Variants in BACH1 observed in about 807,000 individuals in gnomAD.
The protein encoded by BACH1 is transcription regulator protein BACH1.
Under a neutral mutation model 52.9 loss-of-function variants are expected in BACH1, and 35 were observed. The ratio of observed to expected loss-of-function variants is 0.66; its 90% CI spans 0.51 to 0.88. BACH1 has a LOEUF of 0.88. Among genes scored for constraint, BACH1 ranks in the 40% least tolerant of loss-of-function variants. The pLI, the probability that BACH1 is intolerant of heterozygous loss-of-function variation, is 0.00. For missense variants in BACH1, 808 were observed against 872.6 expected, an observed-to-expected ratio of 0.93 and a Z score of 0.93; for synonymous variants, 321 against 319.6, an observed-to-expected ratio of 1.00 and a Z score of -0.05.
chr21:29,346,214 C>G (rs142855275), downstream of BACH1: 1 of 151,602 alleles, frequency 6.6e-6, no homozygotes, highest in Non-Finnish European at 1.5e-5. Flanking sequence ...GTCTTTTGAT[C>G]GGTAATTAGT....
intron 4 of BACH1, among the ~76,000 whole-genome samples, chr21:29,342,128 C>T (rs2089120853): frequency 1.3e-5 from 2 of 152,184 alleles, no homozygotes; most frequent in Non-Finnish European, 2.9e-5. Context: ...TAGGGAAGTG[C>T]TGCCCCAGGC....
chr21:29,311,114 AC>A (rs2088716141), intron 1 of BACH1, among the ~76,000 whole-genome samples: 1 of 152,190 alleles, frequency 6.6e-6, no homozygotes, highest in Admixed American at 6.5e-5. Flanking sequence ...TCTGGAGGAT[AC>A]CCTTAAAATT....
At chr21:29,327,904 A>G (rs2088933879) in intron 3 of BACH1, among the ~76,000 whole-genome samples, 1 of 152,230 alleles carries the variant, frequency 6.6e-6, no homozygotes, top group African/African-American at 2.4e-5. Context: ...TTTCCAGTAG[A>G]TATATTAACC....
At chr21:29,303,662 T>C (rs181877854) in intron 1 of BACH1, among the ~76,000 whole-genome samples, 9 of 152,334 alleles carry the variant, frequency 5.9e-5, no homozygotes, top group African/African-American at 2.2e-4. Context: ...AAACTTGTCT[T>C]GTGACTTATT....
At chr21:29,321,183 G>T in intron 1 of BACH1, 38 bp from the exon 2 acceptor site, 2 of 1,032,882 alleles carry the variant, frequency 1.9e-6, no homozygotes, top group Admixed American at 1.9e-5. Context: ...TTTTTAACAA[G>T]ATGTTATTTA....
intron 4 of BACH1, 98 bp from the exon 5 acceptor site, chr21:29,342,301 T>TA: frequency 1.7e-6 from 2 of 1,199,330 alleles, no homozygotes; most frequent in Non-Finnish European, 2.4e-6. Context: ...CATGTGATCT[T>TA]ACTTGATGAG....
Position 29,326,902 on chromosome 21 carries a change from A to T in BACH1, c.1078A>T (p.Thr360Ser). Reference sequence around the variant, plus strand: ...GTCAGGTACAGACGTCCAAGAAAAAACATTTGGTGAAAGTCAGGATTTACC... The same window carrying T: ...GTCAGGTACAGACGTCCAAGAAAAATCATTTGGTGAAAGTCAGGATTTACC... ...PLSGTDVQEK[T>S]FGESQDLPLK... Residue 360 changes from threonine (T) to serine (S), a missense_variant, in exon 3 of 5, where the codon ACA becomes TCA. By Grantham distance (58) the Thr-to-Ser change is moderately conservative (BLOSUM62 1). Coordinates refer to ENST00000286800, the MANE Select transcript of BACH1 (RefSeq NM_001186.4). 1 of 1,614,226 alleles carries T rather than the reference A, an allele frequency of 6.2e-7. No homozygotes were observed. Among genetic ancestry groups the T allele is most frequent in the Non-Finnish European group, 8.5e-7 (1 of 1,180,048 alleles).
intron 2 of BACH1, 58 bp from the exon 3 acceptor site, chr21:29,326,001 T>G (rs1221439417): frequency 6.8e-7 from 1 of 1,480,920 alleles, no homozygotes; most frequent in African/African-American, 1.4e-5. Flanking sequence ...CTTATTTTGT[T>G]TTTATGTACT....
rs760753557 is a variant in BACH1, at chr21:29,327,197, CT to C, written c.1374del (p.Val459SerfsTer6). The stretch of plus-strand genomic sequence containing the variant: ...CAAAGGACTTTCACAACATTAAGTT[CT>C]GTCAACTGCCCTTTTATAAGTACTC... ...PGQRTFTTLSSVNCPFISTLS... is the reference protein window; with the variant it reads ...PGQRTFTTLSXVNCPFISTLS... On this transcript the variant is annotated frameshift_variant, in exon 3 of 5. Coordinates refer to ENST00000286800, the MANE Select transcript of BACH1 (RefSeq NM_001186.4). LOFTEE classifies it high-confidence loss of function. The C allele has an allele frequency of 6.2e-7, 1 of 1,614,230 alleles. No individual in the cohort carries two copies. The highest frequency in any genetic ancestry group is 1.1e-5 in the South Asian group (1 of 91,084).
At chr21:29,339,277 T>C (rs2089082608) in intron 4 of BACH1, among the ~76,000 whole-genome samples, 1 of 152,178 alleles carries the variant, frequency 6.6e-6, no homozygotes, top group African/African-American at 2.4e-5. Context: ...TCAGTCAAGA[T>C]TTGTTGTCAG....
intron 1 of BACH1, chr21:29,305,370 G>A (rs2088644816): frequency 6.6e-6 from 1 of 152,118 alleles, no homozygotes; most frequent in South Asian, 2.1e-4. Context: ...TGTGGTAAAA[G>A]ACTGTCACAA....
At chr21:29,331,170 T>A (rs1224745466) in intron 4 of BACH1, among the ~76,000 whole-genome samples, 1 of 152,206 alleles carries the variant, frequency 6.6e-6, no homozygotes, top group Non-Finnish European at 1.5e-5. Flanking sequence ...TGAGCTTCAG[T>A]TTTTATTCTG....
intron 1 of BACH1, among the ~76,000 whole-genome samples, chr21:29,308,386 C>A (rs1323931956): frequency 6.6e-6 from 1 of 152,152 alleles, no homozygotes; most frequent in African/African-American, 2.4e-5. Context: ...AGTATCTCTA[C>A]TTGAATAAAA....
chr21:29,354,869 G>GTC (rs2089223877), intron 2 of BACH1, among the ~76,000 whole-genome samples: 1 of 152,172 alleles, frequency 6.6e-6, no homozygotes, highest in Non-Finnish European at 1.5e-5. Flanking sequence ...TGCCTGAAAA[G>GTC]TGTGTGTGTG....
Position 29,326,904 on chromosome 21 carries a change from A to T in BACH1, c.1080A>T (p.Thr360=). The change falls in exon 3 of 5, where the codon ACA becomes ACT. Residue 360 remains threonine (T), a synonymous_variant. Coordinates refer to ENST00000286800, the MANE Select transcript of BACH1 (RefSeq NM_001186.4). ...CAGGTACAGACGTCCAAGAAAAAAC[A>T]TTTGGTGAAAGTCAGGATTTACCTT... The part of the protein sequence containing the change: ...PLSGTDVQEK[T]FGESQDLPLK... 2 of 1,614,254 alleles carry T rather than the reference A, an allele frequency of 1.2e-6. No individual in the cohort carries two copies. Among genetic ancestry groups the T allele is most frequent in the Non-Finnish European group, 1.7e-6 (2 of 1,180,046 alleles).
intron 1 of BACH1, among the ~76,000 whole-genome samples, chr21:29,308,284 A>G (rs2088681042): frequency 6.6e-6 from 1 of 152,200 alleles, no homozygotes; most frequent in African/African-American, 2.4e-5. Context: ...TTATGTTTTT[A>G]GTTTTAGCTA....
chr21:29,332,364 A>T (rs1032097271), intron 4 of BACH1, among the ~76,000 whole-genome samples: 3 of 152,226 alleles, frequency 2.0e-5, no homozygotes, highest in African/African-American at 7.2e-5. Flanking sequence ...CTACTGGTTA[A>T]TTTTCAATAC....
intron 1 of BACH1, among the ~76,000 whole-genome samples, chr21:29,318,807 C>T (rs1276778913): frequency 6.6e-6 from 1 of 152,148 alleles, no homozygotes; most frequent in African/African-American, 2.4e-5. Context: ...GGCCCAGAGT[C>T]ATTCTCTTTC....
chr21:29,316,215 T>C (rs1042352662), intron 1 of BACH1, among the ~76,000 whole-genome samples: 1 of 152,208 alleles, frequency 6.6e-6, no homozygotes, highest in African/African-American at 2.4e-5. Flanking sequence ...AAATAAATTA[T>C]ATAATGTGAT....
Sources: allele counts gnomAD v4.1 joint callset (sites outside exome capture counted in the v4.1 genomes callset), GRCh38; gene constraint gnomAD v4.1.1; transcripts MANE v1.5; gene names NCBI Gene and HGNC (gene_info 2026-07-23, HGNC 2026-07-21).